The following ADAMTS19 variants were observed in gnomAD, a reference collection of about 807,000 sequenced individuals.
ADAMTS19 encodes the protein ADAM metallopeptidase with thrombospondin type 1 motif 19.
A neutral mutation model predicts 153.3 loss-of-function variants in ADAMTS19; 93 were observed. The observed-to-expected ratio is 0.61, with a 90% CI of 0.51 to 0.72. ADAMTS19 has a LOEUF of 0.72. ADAMTS19 is among the 30% of genes least tolerant of loss of function. ADAMTS19 has a pLI of 0.00. For synonymous variants in ADAMTS19, 600 were observed against 556.6 expected (o/e 1.08, Z -1.10); for missense variants, 1,482 against 1,552.1 (o/e 0.95, Z 0.76).
intron 2 of ADAMTS19, among the ~76,000 whole-genome samples, chr5:129,462,007 C>T (rs1227999460): frequency 6.6e-6 from 1 of 152,192 alleles, no homozygotes; most frequent in East Asian, 1.9e-4. Flanking sequence ...TCTTTCAAAA[C>T]TGCGTGAAAC....
At position 129,707,691 on chromosome 5, in the gene ADAMTS19, A is replaced by C. The variant is rs74607786; in HGVS notation, c.3312+3300A>C. Among the ~76,000 whole-genome samples the C allele has an allele frequency of 5.1e-3, 776 of 152,344 alleles. 8 individuals are homozygous for C. The highest frequency in any genetic ancestry group is 0.017 in the African/African-American group (726 of 41,582). ...CTGTGTCCTTGAAACAGGAATAGCA[A>C]CAAGATGTATGTGATTGTAGGTGGA... On this transcript the variant is annotated intron_variant, in intron 21 of 22. Coordinates refer to ENST00000274487, the MANE Select transcript of ADAMTS19 (RefSeq NM_133638.6).
chr5:129,566,056 C>A (rs934404173), intron 7 of ADAMTS19, among the ~76,000 whole-genome samples: 1 of 152,074 alleles, frequency 6.6e-6, no homozygotes, highest in African/African-American at 2.4e-5. Context: ...TCAATTATTA[C>A]ATGACAAAAT....
At chr5:129,651,523 A>G (rs1240203626) in intron 13 of ADAMTS19, among the ~76,000 whole-genome samples, 2 of 152,188 alleles carry the variant, frequency 1.3e-5, no homozygotes, top group East Asian at 3.9e-4. Context: ...CCCCTTAGAT[A>G]CATCTGCTCT....
chr5:129,685,756 G>T (rs1755055585), intron 18 of ADAMTS19, among the ~76,000 whole-genome samples: 1 of 152,078 alleles, frequency 6.6e-6, no homozygotes, highest in Non-Finnish European at 1.5e-5. Context: ...TTTCAATAGG[G>T]TATATTATAC....
chr5:129,601,278 T>C (rs1168260322), intron 8 of ADAMTS19, among the ~76,000 whole-genome samples: 3 of 152,220 alleles, frequency 2.0e-5, no homozygotes, highest in Non-Finnish European at 4.4e-5. Flanking sequence ...CTTCATAATT[T>C]AATGTGATGA....
chr5:129,567,953 A>G (rs558681225), intron 7 of ADAMTS19, among the ~76,000 whole-genome samples: 32 of 152,322 alleles, frequency 2.1e-4, no homozygotes, highest in Admixed American at 3.3e-4. Flanking sequence ...AGTGATTCCA[A>G]TGACAGCCGA....
intron 6 of ADAMTS19, among the ~76,000 whole-genome samples, chr5:129,533,572 A>AT (rs908631700): frequency 6.6e-6 from 1 of 151,836 alleles, no homozygotes; most frequent in Non-Finnish European, 1.5e-5. Flanking sequence ...TTTTTGAAGG[A>AT]TTTTTTTGAG....
chr5:129,460,859 G>A (rs1052964970), intron 1 of ADAMTS19, among the ~76,000 whole-genome samples: 1 of 151,950 alleles, frequency 6.6e-6, no homozygotes, highest in African/African-American at 2.4e-5. Context: ...AATGAAGTGC[G>A]GTCACCAAAC....
intron 10 of ADAMTS19, among the ~76,000 whole-genome samples, chr5:129,637,226 A>G (rs2127012672): frequency 6.6e-6 from 1 of 152,344 alleles, no homozygotes; most frequent in South Asian, 2.1e-4. Flanking sequence ...TTTTTAAGTG[A>G]ATGTTAAATT....
At chr5:129,583,336 C>G (rs144701757) in intron 7 of ADAMTS19, among the ~76,000 whole-genome samples, 3,919 of 152,176 alleles carry the variant, frequency 0.026, 58 homozygotes, top group East Asian at 0.054. Flanking sequence ...TCTAGCTGCC[C>G]TTAACATTTT....
intron 2 of ADAMTS19, among the ~76,000 whole-genome samples, chr5:129,497,712 C>T (rs188805681): frequency 5.1e-4 from 78 of 152,138 alleles, no homozygotes; most frequent in African/African-American, 1.8e-3. Context: ...ACCATTAATG[C>T]ATTTGGATGA....
intron 6 of ADAMTS19, among the ~76,000 whole-genome samples, chr5:129,537,833 G>A (rs988989412): frequency 3.3e-5 from 5 of 151,942 alleles, no homozygotes; most frequent in East Asian, 3.9e-4. Flanking sequence ...GCCAAATGAC[G>A]AGTTAATGGG....
At chr5:129,699,671 G>A (rs1755740759) in intron 19 of ADAMTS19, among the ~76,000 whole-genome samples, 1 of 152,132 alleles carries the variant, frequency 6.6e-6, no homozygotes, top group Non-Finnish European at 1.5e-5. Context: ...TTGGTTGAAT[G>A]GAGAAGCCCT....
intron 20 of ADAMTS19, among the ~76,000 whole-genome samples, chr5:129,702,018 C>T (rs1020474312): frequency 6.6e-6 from 1 of 152,046 alleles, no homozygotes; most frequent in African/African-American, 2.4e-5. Flanking sequence ...TATTTAATCA[C>T]CTGTGCAGGA....
intron 16 of ADAMTS19, among the ~76,000 whole-genome samples, chr5:129,677,163 A>G (rs965751254): frequency 2.0e-5 from 3 of 152,238 alleles, no homozygotes; most frequent in African/African-American, 7.2e-5. Flanking sequence ...CAATAGGAAT[A>G]AAATAATAGA....
At chr5:129,731,044 C>T (rs902468985) in intron 21 of ADAMTS19, among the ~76,000 whole-genome samples, 10 of 151,916 alleles carry the variant, frequency 6.6e-5, no homozygotes, top group East Asian at 5.8e-4. Context: ...CTGCAACCTC[C>T]GCCTCTTGGA....
chr5:129,634,204 A>G (rs1752432253), intron 10 of ADAMTS19, among the ~76,000 whole-genome samples: 1 of 152,164 alleles, frequency 6.6e-6, no homozygotes, highest in South Asian at 2.1e-4. Flanking sequence ...CACAAAAAAT[A>G]AAATACCTAG....
At chr5:129,540,048 T>G (rs1263799959) in intron 6 of ADAMTS19, among the ~76,000 whole-genome samples, 1 of 152,124 alleles carries the variant, frequency 6.6e-6, no homozygotes, top group Admixed American at 6.6e-5. Context: ...CTATTTAGCT[T>G]TGTAAGAAAG....
intron 8 of ADAMTS19, among the ~76,000 whole-genome samples, chr5:129,607,977 C>G (rs2126945184): frequency 7.0e-6 from 1 of 142,636 alleles, no homozygotes; most frequent in African/African-American, 2.6e-5. Context: ...ATATATATTT[C>G]CATTATATAA....
Sources: gnomAD v4.1 joint callset for allele counts (sites outside exome capture counted in the v4.1 genomes callset) on GRCh38, gnomAD v4.1.1 for gene constraint, MANE v1.5 for transcripts, NCBI Gene and HGNC (gene_info 2026-07-23, HGNC 2026-07-21) for gene names.